RMST: variants seen among roughly 807,000 people sequenced by gnomAD.
RMST encodes the protein rhabdomyosarcoma 2 associated transcript, also known as long intergenic non-protein coding RNA 54.
intron 11 of RMST, among the ~76,000 whole-genome samples, chr12:97,552,471 C>T (rs1883373154): frequency 6.6e-6 from 1 of 152,162 alleles, no homozygotes; most frequent in Admixed American, 6.6e-5. Flanking sequence ...TTTATCATTT[C>T]TCCCTTGATT....
chr12:97,478,590 C>T (rs1009084931), intron 5 of RMST, among the ~76,000 whole-genome samples: 9 of 152,084 alleles, frequency 5.9e-5, no homozygotes, highest in African/African-American at 2.2e-4. Context: ...AGACAAACAC[C>T]AGTGAGTATA....
At chr12:97,510,864 T>A (rs1337773097) in intron 10 of RMST, among the ~76,000 whole-genome samples, 1 of 152,210 alleles carries the variant, frequency 6.6e-6, no homozygotes, top group East Asian at 1.9e-4. Context: ...GTCACTTTTT[T>A]TTTTTAAGTT....
At chr12:97,506,113 T>C (rs1258102053) in intron 10 of RMST, among the ~76,000 whole-genome samples, 2 of 152,158 alleles carry the variant, frequency 1.3e-5, no homozygotes, top group African/African-American at 4.8e-5. Flanking sequence ...ATAAACCAGG[T>C]AGGTAGATTG....
intron 11 of RMST, chr12:97,551,897 A>C (rs1883336022): frequency 6.6e-6 from 1 of 152,188 alleles, no homozygotes; most frequent in African/African-American, 2.4e-5. Context: ...TTTGAGTTCC[A>C]TGCTACCAAA....
intron 5 of RMST, among the ~76,000 whole-genome samples, chr12:97,486,068 A>G (rs138567995): frequency 6.6e-6 from 1 of 152,388 alleles, no homozygotes; most frequent in East Asian, 1.9e-4. Context: ...AATACTAGCA[A>G]GACCATGATA....
chr12:97,496,430 G>T (rs1215320669), intron 10 of RMST, among the ~76,000 whole-genome samples: 1 of 152,058 alleles, frequency 6.6e-6, no homozygotes, highest in African/African-American at 2.4e-5. Context: ...ATACATGTTT[G>T]TGAAGTACCT....
chr12:97,526,541 C>A (rs984161907), intron 10 of RMST, among the ~76,000 whole-genome samples: 1 of 152,094 alleles, frequency 6.6e-6, no homozygotes, highest in Non-Finnish European at 1.5e-5. Context: ...TCTTCACATT[C>A]AAAGTCCTGA....
chr12:97,559,421 A>G (rs1330534294), intron 11 of RMST, among the ~76,000 whole-genome samples: 2 of 152,134 alleles, frequency 1.3e-5, no homozygotes, highest in African/African-American at 2.4e-5. Context: ...GGTAATCTCC[A>G]CTTACTGTCA....
chr12:97,547,879 C>A (rs1488254105), intron 11 of RMST, among the ~76,000 whole-genome samples: 1 of 152,018 alleles, frequency 6.6e-6, no homozygotes, highest in Non-Finnish European at 1.5e-5. Flanking sequence ...CTTTGCTGTG[C>A]ACAAGCTTTT....
chr12:97,564,335 A>G (rs1884373457), exon 14 of RMST: 1 of 168,470 alleles, frequency 5.9e-6, no homozygotes, highest in Non-Finnish European at 1.3e-5. Flanking sequence ...AAAGGTATAC[A>G]TTGGATGGGC....
At chr12:97,533,452 A>G (rs1881832405) in intron 11 of RMST, 1 of 151,804 alleles carries the variant, frequency 6.6e-6, no homozygotes. Context: ...ATTCTCCATG[A>G]TCTCTGGCAG....
intron 5 of RMST, among the ~76,000 whole-genome samples, chr12:97,475,819 A>G (rs1013172350): frequency 1.3e-5 from 2 of 152,188 alleles, no homozygotes; most frequent in Non-Finnish European, 2.9e-5. Context: ...AAATATATAC[A>G]TAATAAATAT....
Position 97,511,996 on chromosome 12 carries a change from C to T in RMST, n.1340+15940C>T, listed in dbSNP as rs142807768. ...CACTTCAAGAATGAAGCCGCGGACC[C>T]TCGCAGTGAGTGTTACAGTTCTTAA... On this transcript the variant is annotated intron_variant and non_coding_transcript_variant, in intron 10 of 13. Coordinates refer to ENST00000640149, the Ensembl canonical transcript of RMST. Among the ~76,000 whole-genome samples the T allele has an allele frequency of 4.6e-3, 694 of 152,326 alleles. 3 individuals are homozygous for T. The highest frequency in any genetic ancestry group is 0.017 in the South Asian group (83 of 4,830).
At chr12:97,488,603 C>A (rs1876396597) in intron 5 of RMST, among the ~76,000 whole-genome samples, 2 of 151,982 alleles carry the variant, frequency 1.3e-5, no homozygotes, top group Admixed American at 1.3e-4. Context: ...GCGTGGTGGC[C>A]CAACTGGAAA....
At chr12:97,538,199 G>A (rs1882223525) in intron 11 of RMST, among the ~76,000 whole-genome samples, 1 of 151,376 alleles carries the variant, frequency 6.6e-6, no homozygotes, top group Admixed American at 6.6e-5. Context: ...GAATCAGTGA[G>A]CAATTCACAG....
At chr12:97,558,537 T>G (rs754313807) in intron 11 of RMST, among the ~76,000 whole-genome samples, 9 of 152,210 alleles carry the variant, frequency 5.9e-5, no homozygotes, top group Non-Finnish European at 1.3e-4. Flanking sequence ...AAAAAGAATG[T>G]GTTACTGTAT....
At chr12:97,483,649 C>T (rs569087768) in intron 5 of RMST, among the ~76,000 whole-genome samples, 1 of 152,250 alleles carries the variant, frequency 6.6e-6, no homozygotes, top group African/African-American at 2.4e-5. Flanking sequence ...CTTATATCTC[C>T]TTTGTTTCTT....
chr12:97,555,881 G>A (rs1438482249), intron 11 of RMST, among the ~76,000 whole-genome samples: 5 of 152,116 alleles, frequency 3.3e-5, no homozygotes, highest in Non-Finnish European at 7.4e-5. Context: ...CAATTTTACC[G>A]GCTGGCTTCA....
intron 10 of RMST, chr12:97,496,167 C>A (rs1028672426): frequency 4.6e-5 from 7 of 152,126 alleles, no homozygotes; most frequent in Admixed American, 4.6e-4. Context: ...GGATGAAATG[C>A]CTGGGGTATT....
Sources: gnomAD v4.1 joint callset for allele counts (sites outside exome capture counted in the v4.1 genomes callset) on GRCh38, gnomAD v4.1.1 for gene constraint, MANE v1.5 for transcripts, NCBI Gene and HGNC (gene_info 2026-07-23, HGNC 2026-07-21) for gene names.